Variants in SDK1 observed in about 807,000 individuals in gnomAD.
SDK1 encodes the protein protein sidekick-1.
In SDK1, 157 loss-of-function variants were observed where a neutral mutation model predicts 245.5. That is an observed-to-expected ratio of 0.64 (90% CI 0.56 to 0.73). The LOEUF is 0.73. Ranked by LOEUF, SDK1 falls within the 30% of genes least tolerant of loss-of-function variation. The pLI is 0.00. For missense variants in SDK1, 3,583 were observed against 3,002.3 expected (o/e 1.19, Z -4.52); for synonymous variants, 1,647 against 1,278.5 (o/e 1.29, Z -6.15).
chr7:3,446,398 A>G (rs948332531), intron 1 of SDK1, among the ~76,000 whole-genome samples: 5 of 152,146 alleles, frequency 3.3e-5, no homozygotes, highest in Non-Finnish European at 5.9e-5. Context: ...TTATCATACA[A>G]TTGCGGAAAG....
intron 1 of SDK1, among the ~76,000 whole-genome samples, chr7:3,596,789 C>A (rs1781081998): frequency 6.6e-6 from 1 of 152,158 alleles, no homozygotes; most frequent in African/African-American, 2.4e-5. Flanking sequence ...CCCAGGCTAG[C>A]CTAAGTTCAG....
intron 38 of SDK1, among the ~76,000 whole-genome samples, chr7:4,215,379 C>T (rs776070013): frequency 5.2e-5 from 8 of 152,386 alleles, no homozygotes; most frequent in Middle Eastern, 3.4e-3. Flanking sequence ...CGCTGGGCCA[C>T]GGGATTCGCT....
At chr7:4,000,675 C>T (rs1022557995) in intron 14 of SDK1, among the ~76,000 whole-genome samples, 1 of 152,206 alleles carries the variant, frequency 6.6e-6, no homozygotes, top group Admixed American at 6.5e-5. Flanking sequence ...GGGCGTTGTG[C>T]TGTTTTGCTT....
chr7:4,254,714 A>G (rs1404170578), intron 44 of SDK1, among the ~76,000 whole-genome samples: 1 of 151,304 alleles, frequency 6.6e-6, no homozygotes, highest in Non-Finnish European at 1.5e-5. Context: ...TATTGCAGCA[A>G]CTCTGAATAA....
At chr7:4,119,103 A>T (rs1248852672) in intron 25 of SDK1, among the ~76,000 whole-genome samples, 3 of 146,488 alleles carry the variant, frequency 2.0e-5, no homozygotes, top group Non-Finnish European at 4.5e-5. Flanking sequence ...ATAAGGCTTT[A>T]AAAAAAAAGC....
intron 1 of SDK1, among the ~76,000 whole-genome samples, chr7:3,386,452 AACAC>A (rs917155939): frequency 6.6e-6 from 1 of 152,236 alleles, no homozygotes; most frequent in African/African-American, 2.4e-5. Context: ...ATCATTTCAA[AACAC>A]ACTCATATTT....
At chr7:3,346,827 A>AT (rs1163275778) in intron 1 of SDK1, among the ~76,000 whole-genome samples, 276 of 16,382 alleles carry the variant, frequency 0.017, 11 homozygotes, top group African/African-American at 0.021. Flanking sequence ...ATATATATAT[A>AT]TTTTTTTTTT....
rs1343078769 is a variant in SDK1, at chr7:3,418,330, T to C, written c.298+116446T>C. On this transcript the variant is annotated intron_variant, in intron 1 of 44. Transcript: ENST00000404826. ...AGACTCCATCTCAGAAACAAACAAC[T>C]CCCAAGGCATTATACTATGACTCTT... Among the ~76,000 whole-genome samples, 6 of 151,522 alleles carry C rather than the reference T, an allele frequency of 4.0e-5. No homozygotes were observed. The East Asian group carries it at 1.2e-3, about 29-fold the overall frequency.
At chr7:4,094,042 A>G (rs192289181) in intron 22 of SDK1, among the ~76,000 whole-genome samples, 566 of 152,128 alleles carry the variant, frequency 3.7e-3, no homozygotes, top group African/African-American at 0.013. Flanking sequence ...CTAAACGGCC[A>G]GGGTGGTTTT....
rs1412559605 is a variant in SDK1 at position 3,954,650 on chromosome 7, C to T, written c.1150+2730C>T. ...CCTCTGGCCTCCCCTCTACACCCTC[C>T]GCTTCCGTCCCACCTCCCTTCTACA... On this transcript the variant is annotated intron_variant, in intron 7 of 44. Coordinates refer to ENST00000404826, the MANE Select transcript of SDK1 (RefSeq NM_152744.4). 2.1e-5 allele frequency among the ~76,000 whole-genome samples: 3 copies of T among 142,650 alleles called. No homozygotes were observed. In the Admixed American group the frequency reaches 2.1e-4, roughly 10 times the overall value. 93.6% of individuals were successfully genotyped at this position (142,650 alleles called of 152,430 possible).
chr7:4,266,616 A>T lies in SDK1; in HGVS notation c.*1232A>T. 2 of 985,400 alleles carry T rather than the reference A, an allele frequency of 2.0e-6. No homozygotes were observed. Among genetic ancestry groups the T allele is most frequent in the Non-Finnish European group, 2.4e-6 (2 of 829,890 alleles). The allele number at this position is 985,400 out of a possible 1,614,324, so 61.0% of individuals were successfully genotyped here. ...TGTCATTGTTTGGTTTAAATTTTTC[A>T]GCTAGATGAAAAGAGTATGAACTAC... On this transcript the variant is annotated 3_prime_UTR_variant, in exon 45 of 45. Coordinates refer to ENST00000404826, the MANE Select transcript of SDK1 (RefSeq NM_152744.4).
chr7:4,175,849 A>T lies in SDK1; in HGVS notation c.4996+15A>T. ...TGAACTAACACGTAAGTGCGCTCTC[A>T]GCGGGAGGCCCATGCCGCGAGGCGC... On this transcript the variant is annotated intron_variant, in intron 34 of 44. Coordinates refer to ENST00000404826, the MANE Select transcript of SDK1 (RefSeq NM_152744.4). 2 of 1,609,796 alleles carry T rather than the reference A, an allele frequency of 1.2e-6. No individual in the cohort carries two copies. The highest frequency in any genetic ancestry group is 1.7e-6 in the Non-Finnish European group (2 of 1,177,648).
chr7:4,258,768 C>T (rs1363690443), intron 44 of SDK1, among the ~76,000 whole-genome samples: 2 of 152,166 alleles, frequency 1.3e-5, no homozygotes, highest in Non-Finnish European at 2.9e-5. Flanking sequence ...GGGAAGACCC[C>T]CGGGACCTGG....
chr7:3,505,704 C>T (rs927938342), intron 1 of SDK1, among the ~76,000 whole-genome samples: 7 of 152,078 alleles, frequency 4.6e-5, no homozygotes, highest in African/African-American at 9.7e-5. Context: ...TCTGTGAATT[C>T]TGCATCCACA....
intron 4 of SDK1, among the ~76,000 whole-genome samples, chr7:3,692,371 G>C (rs1162391074): frequency 1.3e-5 from 2 of 152,034 alleles, no homozygotes; most frequent in Non-Finnish European, 2.9e-5. Context: ...CTGTGTGTGT[G>C]CACCTGTGCC....
At chr7:3,401,209 A>G (rs569717711) in intron 1 of SDK1, among the ~76,000 whole-genome samples, 1 of 152,226 alleles carries the variant, frequency 6.6e-6, no homozygotes, top group Non-Finnish European at 1.5e-5. Context: ...CGAGCATTCA[A>G]GAGGTCTTCT....
chr7:4,182,687 G>T (rs775909353), intron 35 of SDK1, among the ~76,000 whole-genome samples: 2 of 152,172 alleles, frequency 1.3e-5, no homozygotes, highest in South Asian at 2.1e-4. Context: ...ACCATCTGCC[G>T]CCCAGGCACT....
At chr7:4,191,956 G>T (rs10235441) in intron 35 of SDK1, among the ~76,000 whole-genome samples, 1 of 152,110 alleles carries the variant, frequency 6.6e-6, no homozygotes, top group South Asian at 2.1e-4. Context: ...GGCAGTTTCC[G>T]ACCCCACCCC....
rs574258374 is a variant in SDK1 at position 3,700,618 on chromosome 7, CAA to C, written c.713+58518_713+58519del. On this transcript the variant is annotated intron_variant, in intron 4 of 44. Coordinates refer to ENST00000404826, the MANE Select transcript of SDK1 (RefSeq NM_152744.4). ...ATAAAATGTTCAAGTAACAGAAAAG[CAA>C]AAAAGAAATCAGGGAAACAAGAAAA... is the stretch of plus-strand genomic sequence containing the variant. 1.0e-3 allele frequency among the ~76,000 whole-genome samples: 156 copies of C among 151,852 alleles called. 1 individual carries two copies. Among genetic ancestry groups the C allele is most frequent in the African/African-American group, 3.6e-3 (151 of 41,444 alleles).
Sources: allele counts gnomAD v4.1 joint callset (sites outside exome capture counted in the v4.1 genomes callset), GRCh38; gene constraint gnomAD v4.1.1; transcripts MANE v1.5; gene names NCBI Gene and HGNC (gene_info 2026-07-23, HGNC 2026-07-21).